The following CYFIP2 variants were observed in gnomAD, a reference collection of about 807,000 sequenced individuals.
CYFIP2 encodes cytoplasmic FMR1-interacting protein 2.
A neutral mutation model predicts 158.7 loss-of-function variants in CYFIP2; 29 were observed. The observed-to-expected ratio is 0.18, with a 90% confidence interval of 0.14 to 0.25. The LOEUF (loss-of-function observed/expected upper bound fraction) is 0.25. CYFIP2 is among the 10% of genes least tolerant of loss of function. The pLI is 1.00. For missense variants in CYFIP2, 852 were observed against 1,639.5 expected, an observed-to-expected ratio of 0.52 and a Z score of 8.29; for synonymous variants, 585 against 617.6, an observed-to-expected ratio of 0.95 and a Z score of 0.78.
Position 157,393,078 on chromosome 5 carries a change from A to T in CYFIP2, c.*78A>T. Reference sequence around the variant, plus strand: ...AAAGCCACAGCCAGCCTGCCATAGGATCCAACTGGACAACGTGTGGGATGG... The same window carrying T: ...AAAGCCACAGCCAGCCTGCCATAGGTTCCAACTGGACAACGTGTGGGATGG... On this transcript the variant is annotated 3_prime_UTR_variant, in exon 31 of 31. Transcript: ENST00000620254. 2 of 1,542,266 alleles carry T rather than the reference A, an allele frequency of 1.3e-6. No homozygotes were observed. The highest frequency in any genetic ancestry group is 2.5e-5 in the South Asian group (2 of 81,080).
chr5:157,288,201 A>G (rs1332891508), intron 3 of CYFIP2, among the ~76,000 whole-genome samples: 5 of 152,200 alleles, frequency 3.3e-5, no homozygotes, highest in Non-Finnish European at 7.3e-5. Flanking sequence ...ATATCATGGC[A>G]GAAGCCATGA....
chr5:157,342,681 T>C, intron 23 of CYFIP2: 1 of 601,548 alleles, frequency 1.7e-6, no homozygotes, highest in Admixed American at 3.1e-5. Context: ...TGGCATACCC[T>C]GGGGGATACA....
At chr5:157,321,319 A>G (rs1760575561) in intron 15 of CYFIP2, among the ~76,000 whole-genome samples, 1 of 152,178 alleles carries the variant, frequency 6.6e-6, no homozygotes, top group Non-Finnish European at 1.5e-5. Context: ...AAAACTTTGG[A>G]TGAGATTGTG....
At chr5:157,321,187 T>A (rs1436545956) in intron 15 of CYFIP2, among the ~76,000 whole-genome samples, 1 of 152,254 alleles carries the variant, frequency 6.6e-6, no homozygotes, top group Non-Finnish European at 1.5e-5. Context: ...TGCATGCATC[T>A]ATGCTGCCCC....
rs1472327868 is a variant in CYFIP2 at position 157,370,730 on chromosome 5, A to G, written c.3039+9132A>G. Reference sequence around the variant, plus strand: ...AATGCTAACCTTGGAAGACATTGGCATATACTTGAGGGAAGAGAAAGCCCA... The same window carrying G: ...AATGCTAACCTTGGAAGACATTGGCGTATACTTGAGGGAAGAGAAAGCCCA... On this transcript the variant is annotated intron_variant, in intron 26 of 30. Coordinates refer to ENST00000620254, the MANE Select transcript of CYFIP2 (RefSeq NM_001037333.3). 7.2e-5 allele frequency among the ~76,000 whole-genome samples: 11 copies of G among 152,332 alleles called. No individual in the cohort carries two copies. In the East Asian group the frequency reaches 1.9e-3, roughly 27 times the overall value.
At chr5:157,309,543 G>T (rs567299782) in intron 9 of CYFIP2, among the ~76,000 whole-genome samples, 200 bp from the exon 10 acceptor site, 1 of 152,298 alleles carries the variant, frequency 6.6e-6, no homozygotes, top group South Asian at 2.1e-4. Context: ...CATAGAGTTG[G>T]TTGGAGGCAG....
chr5:157,287,245 C>G, intron 3 of CYFIP2, 137 bp downstream of exon 3: 1 of 645,676 alleles, frequency 1.5e-6, no homozygotes, highest in South Asian at 1.7e-5. Flanking sequence ...CTGCTTAAGC[C>G]CACTCTTACA....
Position 157,374,704 on chromosome 5 carries a change from A to C in CYFIP2, c.3040-7886A>C, listed in dbSNP as rs566586029. Among the ~76,000 whole-genome samples the C allele has an allele frequency of 3.4e-4, 52 of 152,328 alleles. 1 individual carries two copies. The South Asian group carries it at 0.011, about 31-fold the overall frequency. On this transcript the variant is annotated intron_variant, in intron 26 of 30. Coordinates refer to ENST00000620254, the MANE Select transcript of CYFIP2 (RefSeq NM_001037333.3). The stretch of plus-strand genomic sequence containing the variant: ...GCAATGTAGCAAAGCCCAGGACACT[A>C]ACTGGATAGGGCTCACCAGTCAGCT...
Position 157,314,627 on chromosome 5 carries a change from G to A in CYFIP2, c.1230+164G>A, listed in dbSNP as rs538724079. Among the ~76,000 whole-genome samples, 4 of 152,202 alleles carry A rather than the reference G, an allele frequency of 2.6e-5. No individual in the cohort carries two copies. The South Asian group carries it at 6.2e-4, about 24-fold the overall frequency. ...AAGTTCATTGGTTTTTAGTATATCCGCAGAGTTGTATAGCCACAGTCAAAT... is the reference window on the plus strand; with the variant it reads ...AAGTTCATTGGTTTTTAGTATATCCACAGAGTTGTATAGCCACAGTCAAAT... On this transcript the variant is annotated intron_variant, in intron 12 of 30. Transcript: ENST00000620254.
intron 21 of CYFIP2, among the ~76,000 whole-genome samples, chr5:157,336,728 C>G (rs1396636482): frequency 6.6e-6 from 1 of 152,196 alleles, no homozygotes; most frequent in Non-Finnish European, 1.5e-5. Context: ...CTTTAGTAAA[C>G]CAGCCTTGCT....
At chr5:157,297,384 G>T (rs569618456) in intron 5 of CYFIP2, among the ~76,000 whole-genome samples, 3 of 152,230 alleles carry the variant, frequency 2.0e-5, no homozygotes, top group East Asian at 1.9e-4. Context: ...CTCTCTAACT[G>T]TGTGTTTGTG....
chr5:157,306,945 G>GTA (rs142916787), intron 8 of CYFIP2, among the ~76,000 whole-genome samples: 17,065 of 150,874 alleles, frequency 0.11, 1,430 homozygotes, highest in East Asian at 0.26. Context: ...AACCTTAGCA[G>GTA]TACCCTGCTC....
At chr5:157,390,032 AAAGG>A (rs1412972156) in intron 29 of CYFIP2, among the ~76,000 whole-genome samples, 1 of 152,124 alleles carries the variant, frequency 6.6e-6, no homozygotes, top group Admixed American at 6.5e-5. Flanking sequence ...GTCAGAACCA[AAAGG>A]ACTCAGCCTC....
intron 1 of CYFIP2, among the ~76,000 whole-genome samples, chr5:157,271,151 G>A (rs1373265599): frequency 6.6e-6 from 1 of 152,176 alleles, no homozygotes; most frequent in Non-Finnish European, 1.5e-5. Flanking sequence ...TTTGAGAAGG[G>A]AAGAAGACAG....
rs75825511 is a variant in CYFIP2 at position 157,368,457 on chromosome 5, G to A, written c.3039+6859G>A. Among the ~76,000 whole-genome samples, 702 of 152,176 alleles carry A rather than the reference G, an allele frequency of 4.6e-3. 3 individuals are homozygous for A. Among genetic ancestry groups the A allele is most frequent in the African/African-American group, 0.016 (663 of 41,522 alleles). On this transcript the variant is annotated intron_variant, in intron 26 of 30. Coordinates refer to ENST00000620254, the MANE Select transcript of CYFIP2 (RefSeq NM_001037333.3). ...TGAGGGAAAAAAAACTCCTCCAGCT[G>A]CCCAAGAAGCGTGTCCTGTCCCTTT...
intron 28 of CYFIP2, among the ~76,000 whole-genome samples, chr5:157,386,451 A>C (rs1475646332): frequency 6.6e-6 from 1 of 152,090 alleles, no homozygotes; most frequent in African/African-American, 2.4e-5. Flanking sequence ...AGGAGTATTC[A>C]TGAGGGTACA....
chr5:157,360,807 G>T (rs955508788), intron 25 of CYFIP2, among the ~76,000 whole-genome samples: 12 of 152,224 alleles, frequency 7.9e-5, no homozygotes, highest in African/African-American at 2.9e-4. Flanking sequence ...GCTGGGCAGA[G>T]AAATAATCAT....
chr5:157,319,899 G>A lies in CYFIP2; in HGVS notation c.1494G>A (p.Ala498=), dbSNP rs756691881. The change falls in exon 14 of 31, where the codon GCG becomes GCA. Residue 498 remains alanine, a synonymous_variant. Coordinates refer to ENST00000620254, the MANE Select transcript of CYFIP2 (RefSeq NM_001037333.3). Reference sequence around the variant, plus strand: ...CGCTGCGTGAGCCCCTGCGGCAGGCGGTACGGAAGAAGAAGAATGTCCTCA... The same window carrying A: ...CGCTGCGTGAGCCCCTGCGGCAGGCAGTACGGAAGAAGAAGAATGTCCTCA... ...QVTLREPLRQ[A]VRKKKNVLIS... 9.3e-6 allele frequency: 15 copies of A among 1,613,888 alleles called. No homozygotes were observed. In the Admixed American group the frequency reaches 1.7e-4, roughly 18 times the overall value.
intron 8 of CYFIP2, among the ~76,000 whole-genome samples, chr5:157,306,721 C>T (rs1347348057): frequency 2.0e-5 from 3 of 151,928 alleles, no homozygotes; most frequent in African/African-American, 4.8e-5. Flanking sequence ...TCTTGACAGA[C>T]AAATACAAAA....
Sources: allele counts gnomAD v4.1 joint callset (sites outside exome capture counted in the v4.1 genomes callset), GRCh38; gene constraint gnomAD v4.1.1; transcripts MANE v1.5; gene names NCBI Gene and HGNC (gene_info 2026-07-23, HGNC 2026-07-21).